LAMA4: variants seen among roughly 807,000 people sequenced by gnomAD.
The protein encoded by LAMA4 is laminin subunit alpha-4.
A neutral mutation model predicts 207.1 loss-of-function variants in LAMA4; 127 were observed. The ratio of observed to expected loss-of-function variants is 0.61; its 90% CI spans 0.53 to 0.71. The LOEUF is 0.71. Among genes scored for constraint, LAMA4 ranks in the 30% least tolerant of loss-of-function variants. LAMA4 has a pLI of 0.00. For missense variants in LAMA4, 2,093 were observed against 2,246.5 expected (o/e 0.93, Z 1.38); for synonymous variants, 761 against 816.0 (o/e 0.93, Z 1.15).
intron 2 of LAMA4, among the ~76,000 whole-genome samples, chr6:112,237,088 T>C (rs782309515): frequency 5.9e-5 from 9 of 152,210 alleles, no homozygotes; most frequent in Non-Finnish European, 1.3e-4. Context: ...GCTCCTTTGT[T>C]GTTGTCCTCA....
At chr6:112,151,307 T>C (rs1554335716) in intron 16 of LAMA4, among the ~76,000 whole-genome samples, 1 of 152,198 alleles carries the variant, frequency 6.6e-6, no homozygotes, top group African/African-American at 2.4e-5. Flanking sequence ...TATAGAGCTA[T>C]AATACACCTT....
chr6:112,155,550 T>C lies in LAMA4; in HGVS notation c.1959+15A>G. Reference sequence around the variant, plus strand: ...GGGAAAGGCAAGGTATAAAGAACTTTCAGGGAATACTCACATCATAAATTC... The same window carrying C: ...GGGAAAGGCAAGGTATAAAGAACTTCCAGGGAATACTCACATCATAAATTC... On this transcript the variant is annotated intron_variant, in intron 15 of 38. Coordinates refer to ENST00000230538, the MANE Select transcript of LAMA4 (RefSeq NM_001105206.3). 2.5e-6 allele frequency: 4 copies of C among 1,614,070 alleles called. No individual in the cohort carries two copies. The highest frequency in any genetic ancestry group is 3.4e-6 in the Non-Finnish European group (4 of 1,179,938).
intron 6 of LAMA4, 149 bp downstream of exon 6, chr6:112,191,487 G>A: frequency 2.9e-6 from 2 of 685,372 alleles, no homozygotes; most frequent in East Asian, 5.4e-5. Context: ...ATGGGTTTGG[G>A]ATGCATATTC....
In LAMA4 at chr6:112,171,051, T is replaced by C. The variant is rs1442023464; in HGVS notation, c.1551+1560A>G. Among the ~76,000 whole-genome samples, 6 of 152,266 alleles carry C rather than the reference T, an allele frequency of 3.9e-5. No homozygotes were observed. The South Asian group carries it at 8.3e-4, about 21-fold the overall frequency. On this transcript the variant is annotated intron_variant, in intron 12 of 38. Coordinates refer to ENST00000230538, the MANE Select transcript of LAMA4 (RefSeq NM_001105206.3). ...GTCCTGAATGCCACGTGAAAGAGCA[T>C]AGGCTGTCCACAGGATAGTGTCTTT...
Position 112,115,968 on chromosome 6 carries a change from C to G in LAMA4, c.5007G>C (p.Lys1669Asn). ...GACGGACTTCAAATGCAATTTCAAA[C>G]TTCAATCCAATATTGAAAGATTCAT... ...VLDESFNIGL[K>N]FEIAFEVRPR... Residue 1669 changes from lysine (K) to asparagine (N), a missense_variant, in exon 36 of 39, where the codon AAG becomes AAC. Lys to Asn is a moderately conservative substitution (Grantham distance 94). This residue lies in a region of LAMA4 where 383 missense variants were observed against 437.8 expected (regional missense o/e 0.87). Transcript: ENST00000230538. 1 of 1,613,260 alleles carries G rather than the reference C, an allele frequency of 6.2e-7. No homozygotes were observed. Among genetic ancestry groups the G allele is most frequent in the Non-Finnish European group, 8.5e-7 (1 of 1,179,394 alleles).
At chr6:112,141,019 AATTT>A (rs1194393262) in intron 21 of LAMA4, 97 bp from the exon 22 acceptor site, 19 of 1,055,548 alleles carry the variant, frequency 1.8e-5, no homozygotes, top group Non-Finnish European at 2.6e-5. Context: ...CAAAATGGGT[AATTT>A]TGTGACACTA....
rs1173815659 is a variant in LAMA4 at position 112,118,150 on chromosome 6, A to G, written c.4822-252T>C. 6.6e-6 allele frequency among the ~76,000 whole-genome samples: 1 copy of G among 152,194 alleles called. No homozygotes were observed. The highest frequency in any genetic ancestry group is 1.5e-5 in the Non-Finnish European group (1 of 68,036). On this transcript the variant is annotated intron_variant, in intron 34 of 38. Transcript: ENST00000230538. This position sits in a 1 kb window ranked among gnomAD's most constrained non-coding sequence, Gnocchi z 4.6. ...CATTTTTATGTTACACTTTGACACA[A>G]TAAGTTGCAGCTGTGGTTTTCAAAC...
chr6:112,194,688 A>C (rs1783310667), intron 5 of LAMA4, among the ~76,000 whole-genome samples: 1 of 152,224 alleles, frequency 6.6e-6, no homozygotes, highest in Non-Finnish European at 1.5e-5. Flanking sequence ...TTTCCACTCC[A>C]GCAGTCTAGC....
chr6:112,221,251 C>T (rs1784907592), intron 2 of LAMA4, among the ~76,000 whole-genome samples: 2 of 152,162 alleles, frequency 1.3e-5, no homozygotes, highest in South Asian at 4.1e-4. Context: ...TCAGAAAGAA[C>T]ACACTCTACA....
In LAMA4 at chr6:112,187,496, G is replaced by A; in HGVS notation, c.920C>T (p.Ala307Val). The change falls in exon 8 of 39, where the codon GCT becomes GTT. Residue 307 changes from alanine (A) to valine (V), a missense_variant. This residue lies in a region of LAMA4 where 1,704 missense variants were observed against 1,788.4 expected (regional missense o/e 0.95). Coordinates refer to ENST00000230538, the MANE Select transcript of LAMA4 (RefSeq NM_001105206.3). ...GVLSVSSGAA[A>V]HRHVNEINAT... is the part of the protein sequence containing the mutation. Reference sequence around the variant, plus strand: ...GTTGATTTCATTCACGTGCCTATGAGCGGCGGCCCCAGAGGATACGCTCAG... The same window carrying A: ...GTTGATTTCATTCACGTGCCTATGAACGGCGGCCCCAGAGGATACGCTCAG... The A allele has an allele frequency of 5.0e-6, 8 of 1,614,144 alleles. No homozygotes were observed. Among genetic ancestry groups the A allele is most frequent in the Non-Finnish European group, 6.8e-6 (8 of 1,180,004 alleles).
In LAMA4 at chr6:112,108,461, C is replaced by A. The variant is rs1777534545; in HGVS notation, c.*976G>T. On this transcript the variant is annotated 3_prime_UTR_variant, in exon 39 of 39. Transcript: ENST00000230538. Reference sequence around the variant, plus strand: ...ACAGGATCTCACTCTGTTGCCCAGGCTGGAGTGCAGGTACAGTCAGCAGTC... The same window carrying A: ...ACAGGATCTCACTCTGTTGCCCAGGATGGAGTGCAGGTACAGTCAGCAGTC... 6.6e-6 allele frequency among the ~76,000 whole-genome samples: 1 copy of A among 152,160 alleles called. No individual in the cohort carries two copies. Among genetic ancestry groups the A allele is most frequent in the African/African-American group, 2.4e-5 (1 of 41,418 alleles).
rs782654174 is a variant in LAMA4, at chr6:112,120,299, T to C, written c.4649A>G (p.Asp1550Gly). ...TCAACTTACATCATGCCACAGGCCA[T>C]CATTGTATTTCTCCTGGCTTCTAAT... Reference protein sequence around the residue: ...LKIRSQEKYNDGLWHDVIFIR... With the variant: ...LKIRSQEKYNGGLWHDVIFIR... Residue 1550 changes from aspartate (D) to glycine (G), a missense_variant, in exon 33 of 39, where the codon GAT (aspartate) becomes GGT (glycine). Coordinates refer to ENST00000230538, the MANE Select transcript of LAMA4 (RefSeq NM_001105206.3). 1.9e-6 allele frequency: 3 copies of C among 1,613,834 alleles called. No individual in the cohort carries two copies. The Admixed American group carries it at 5.0e-5, about 27-fold the overall frequency.
intron 12 of LAMA4, 126 bp downstream of exon 12, chr6:112,172,485 C>A: frequency 3.5e-6 from 3 of 865,708 alleles, no homozygotes; most frequent in Non-Finnish European, 5.5e-6. Context: ...AAAAACACAC[C>A]AATATTTTAA....
chr6:112,209,607 A>G (rs1394303132), intron 3 of LAMA4, among the ~76,000 whole-genome samples: 1 of 152,228 alleles, frequency 6.6e-6, no homozygotes, highest in Non-Finnish European at 1.5e-5. Flanking sequence ...TAGCTGGTCA[A>G]CTTTGAACAA....
intron 9 of LAMA4, among the ~76,000 whole-genome samples, chr6:112,181,766 G>A (rs1029630769): frequency 4.3e-4 from 66 of 152,212 alleles, no homozygotes; most frequent in African/African-American, 1.5e-3. Flanking sequence ...CTTGAAAACA[G>A]GGCCTTATTA....
In LAMA4 at chr6:112,148,159, G is replaced by C. The variant is rs1554334933; in HGVS notation, c.2351C>G (p.Ala784Gly). ...ATTGTGAAATTTCTAAGTGATACCT[G>C]CATCCCTAGCAGAGTTCACTGCAGT... ...YNTAVNSARD[A>G]VRNLTEVVPQ... is the part of the protein sequence containing the mutation. Residue 784 changes from alanine to glycine, a missense_variant and splice_region_variant, in exon 18 of 39, where the codon GCA becomes GGA. Coordinates refer to ENST00000230538, the MANE Select transcript of LAMA4 (RefSeq NM_001105206.3). 1.2e-6 allele frequency: 2 copies of C among 1,613,080 alleles called. No individual in the cohort carries two copies. Among genetic ancestry groups the C allele is most frequent in the South Asian group, 2.2e-5 (2 of 91,082 alleles).
intron 6 of LAMA4, among the ~76,000 whole-genome samples, 166 bp downstream of exon 6, chr6:112,191,470 A>G (rs1783116535): frequency 6.6e-6 from 1 of 152,200 alleles, no homozygotes; most frequent in African/African-American, 2.4e-5. Context: ...AAAAATTTCT[A>G]TCCCTGATGG....
At chr6:112,158,953 T>C in intron 13 of LAMA4, 73 bp from the exon 14 acceptor site, 2 of 1,016,420 alleles carry the variant, frequency 2.0e-6, no homozygotes, top group South Asian at 2.7e-5. Context: ...CACCAAAAGA[T>C]AATCTCTGTT....
intron 9 of LAMA4, 67 bp downstream of exon 9, chr6:112,185,170 C>G: frequency 9.5e-7 from 1 of 1,057,728 alleles, no homozygotes; most frequent in East Asian, 2.4e-5. Flanking sequence ...TTGTGACCAG[C>G]CAGCCTCACA....
Sources: gnomAD v4.1 joint callset for allele counts (sites outside exome capture counted in the v4.1 genomes callset) on GRCh38, gnomAD v4.1.1 for gene constraint, gnomAD v4.1.1 regional missense constraint, Gnocchi (gnomAD v3.1) non-coding constraint, MANE v1.5 for transcripts, NCBI Gene and HGNC (gene_info 2026-07-23, HGNC 2026-07-21) for gene names.